ACOT11: variants seen among roughly 807,000 people sequenced by gnomAD.
ACOT11 encodes acyl-CoA thioesterase 11.
ACOT11 carries 69 observed loss-of-function variants against 77.5 expected under a neutral mutation model. That is an observed-to-expected ratio of 0.89 (90% CI 0.73 to 1.09). The LOEUF (loss-of-function observed/expected upper bound fraction) is 1.09, where lower values mean the gene tolerates loss of function less well. ACOT11 is among the 50% of genes least tolerant of loss of function. The pLI is 0.00. For synonymous variants in ACOT11, 279 were observed against 313.0 expected (o/e 0.89, Z 1.15); for missense variants, 766 against 813.7 (o/e 0.94, Z 0.71).
chr1:54,585,758 C>T, intron 2 of ACOT11, 77 bp from the exon 3 acceptor site: 1 of 1,509,724 alleles, frequency 6.6e-7, no homozygotes, highest in Non-Finnish European at 9.1e-7. Context: ...GAGAAGCCTC[C>T]TGAGGAGGTG....
At chr1:54,610,660 G>A (rs1644108425), downstream of ACOT11, 2 of 1,493,578 alleles carry the variant, frequency 1.3e-6, no homozygotes, top group African/African-American at 2.8e-5. Context: ...TCCTCTCTAA[G>A]CCTCATAGCA....
chr1:54,554,350 TA>T (rs1280595158), intron 1 of ACOT11, among the ~76,000 whole-genome samples: 1,083 of 74,928 alleles, frequency 0.014, 45 homozygotes, highest in African/African-American at 0.024. Context: ...TATATATATA[TA>T]TTTTTTTTTT....
At chr1:54,553,185 T>G (rs982588642) in intron 1 of ACOT11, among the ~76,000 whole-genome samples, 4 of 152,146 alleles carry the variant, frequency 2.6e-5, no homozygotes, top group Non-Finnish European at 5.9e-5. Context: ...TATTTTAATA[T>G]GCATAGCATA....
At chr1:54,604,274 C>T in intron 11 of ACOT11, 72 bp from the exon 12 acceptor site, 9 of 1,432,264 alleles carry the variant, frequency 6.3e-6, no homozygotes, top group Non-Finnish European at 8.8e-6. Flanking sequence ...CTCTCTGGCA[C>T]ACCCTTGGCC....
In ACOT11 at chr1:54,587,335, A is replaced by G. The variant is rs1329654232; in HGVS notation, c.311+1431A>G. The stretch of plus-strand genomic sequence containing the variant: ...CAAGACCAGCCTGGCCAACATGGTG[A>G]AACCCTGTCTCTACTGAAAATACAA... On this transcript the variant is annotated intron_variant, in intron 3 of 15. Coordinates refer to ENST00000343744, the MANE Select transcript of ACOT11 (RefSeq NM_147161.4). Among the ~76,000 whole-genome samples the G allele has an allele frequency of 3.9e-5, 6 of 151,908 alleles. No individual in the cohort carries two copies. The East Asian group carries it at 1.2e-3, about 30-fold the overall frequency.
intron 1 of ACOT11, among the ~76,000 whole-genome samples, chr1:54,567,282 CTTTT>C (rs5774191): frequency 7.2e-6 from 1 of 139,746 alleles, no homozygotes; most frequent in Non-Finnish European, 1.5e-5. Context: ...GACTTTTTTC[CTTTT>C]TTTTTTTTTT....
chr1:54,630,946 G>A (rs1029819545), intron 16 of ACOT11: 2 of 587,656 alleles, frequency 3.4e-6, no homozygotes, highest in East Asian at 2.9e-5. Context: ...ATGGGGTCTG[G>A]TTCGTTTCAC....
At chr1:54,621,316 G>A (rs1644228173) in intron 15 of ACOT11, among the ~76,000 whole-genome samples, 1 of 152,036 alleles carries the variant, frequency 6.6e-6, no homozygotes, top group African/African-American at 2.4e-5. Flanking sequence ...AATTAGCTGG[G>A]CGTGGTGGTC....
chr1:54,612,461 TGGG>T, downstream of ACOT11: 1 of 1,508,126 alleles, frequency 6.6e-7, no homozygotes, highest in South Asian at 1.1e-5. Flanking sequence ...TCCAGGAGGG[TGGG>T]GGTGGGTTTG....
chr1:54,631,162 G>T (rs1644297675), intron 16 of ACOT11, among the ~76,000 whole-genome samples: 1 of 152,166 alleles, frequency 6.6e-6, no homozygotes, highest in South Asian at 2.1e-4. Context: ...TGGGCGAAAA[G>T]TAGTTGCCCC....
At chr1:54,548,566 G>A (rs1373662330) in intron 1 of ACOT11, 34 of 616,722 alleles carry the variant, frequency 5.5e-5, no homozygotes, top group East Asian at 2.8e-5. Context: ...CCACGGGCTG[G>A]CTGTGTAGAG....
At chr1:54,550,533 G>A (rs1290221286) in intron 1 of ACOT11, among the ~76,000 whole-genome samples, 1 of 152,184 alleles carries the variant, frequency 6.6e-6, no homozygotes, top group African/African-American at 2.4e-5. Flanking sequence ...ACAATCCCTG[G>A]CCAGCTGTGG....
At chr1:54,576,491 T>TAA (rs71581820) in intron 1 of ACOT11, among the ~76,000 whole-genome samples, 60 of 68,228 alleles carry the variant, frequency 8.8e-4, no homozygotes, top group Non-Finnish European at 1.2e-3. Context: ...GAGCAAGATC[T>TAA]AAAAAAAAAA....
chr1:54,599,437 G>A (rs780550538), intron 8 of ACOT11, 22 bp downstream of exon 8: 16 of 1,587,978 alleles, frequency 1.0e-5, no homozygotes, highest in Admixed American at 1.7e-5. Context: ...GGATGGGTGC[G>A]GCCACGTCCA....
intron 12 of ACOT11, 104 bp from the exon 13 acceptor site, chr1:54,604,972 C>T: frequency 9.5e-6 from 12 of 1,265,592 alleles, no homozygotes; most frequent in Non-Finnish European, 1.2e-5. Context: ...TTCACATTCA[C>T]ACAGCAAGTC....
At chr1:54,551,702 CTGTTTTTGTTTTGTTTT>C (rs1216212502) in intron 1 of ACOT11, among the ~76,000 whole-genome samples, 16 of 151,448 alleles carry the variant, frequency 1.1e-4, no homozygotes, top group African/African-American at 2.7e-4. Flanking sequence ...ATGGGGCTGG[CTGTTTTTGTTTTGTTTT>C]TGTTTTTGTT....
rs773648115 is a variant in ACOT11 at position 54,604,311 on chromosome 1, G to A, written c.1153-35G>A. Reference sequence around the variant, plus strand: ...TGGCTCAGGGGCCCTGAAGGAAGGGGGTGGGGTAGTGGTAGCACCTGTGTA... The same window carrying A: ...TGGCTCAGGGGCCCTGAAGGAAGGGAGTGGGGTAGTGGTAGCACCTGTGTA... On this transcript the variant is annotated intron_variant, in intron 11 of 15. Transcript: ENST00000343744. The A allele has an allele frequency of 2.8e-5, 44 of 1,597,870 alleles. No individual in the cohort carries two copies. In the Admixed American group the frequency reaches 4.0e-4, roughly 15 times the overall value.
intron 5 of ACOT11, 28 bp from the exon 6 acceptor site, chr1:54,594,528 G>A: frequency 6.3e-7 from 1 of 1,599,158 alleles, no homozygotes; most frequent in East Asian, 2.2e-5. Context: ...TGCCCTGAGT[G>A]TCCCCCACCC....
chr1:54,561,528 C>T (rs1296115259), intron 1 of ACOT11, among the ~76,000 whole-genome samples: 2 of 113,942 alleles, frequency 1.8e-5, no homozygotes, highest in Admixed American at 8.2e-5. Context: ...GGCAACCATC[C>T]GATTTCTCAA....
Sources: allele counts gnomAD v4.1 joint callset (sites outside exome capture counted in the v4.1 genomes callset), GRCh38; gene constraint gnomAD v4.1.1; transcripts MANE v1.5; gene names NCBI Gene and HGNC (gene_info 2026-07-23, HGNC 2026-07-21).